Variants in SEMA3A observed in about 807,000 individuals in gnomAD.
SEMA3A encodes semaphorin 3A, also known as semaphorin-3A.
In SEMA3A, 29 loss-of-function variants were observed where a neutral mutation model predicts 97.9. The ratio of observed to expected loss-of-function variants is 0.30; its 90% confidence interval spans 0.22 to 0.40. The LOEUF (loss-of-function observed/expected upper bound fraction) is 0.40, where lower values mean the gene tolerates loss of function less well. Ranked by LOEUF, SEMA3A falls within the 10% of genes least tolerant of loss-of-function variation. The pLI is 1.00. For synonymous variants in SEMA3A, 321 were observed against 323.7 expected (o/e 0.99, Z 0.09); for missense variants, 763 against 951.3 (o/e 0.80, Z 2.60).
chr7:84,120,947 G>T (rs1795592521), intron 3 of SEMA3A, among the ~76,000 whole-genome samples: 1 of 152,100 alleles, frequency 6.6e-6, no homozygotes, highest in South Asian at 2.1e-4. Context: ...AGAGGGTCAG[G>T]TAATACCTAT....
chr7:84,238,392 GA>G (rs1247197488), intron 3 of SEMA3A, among the ~76,000 whole-genome samples: 1 of 152,040 alleles, frequency 6.6e-6, no homozygotes, highest in Non-Finnish European at 1.5e-5. Flanking sequence ...AACTGAACTT[GA>G]GTACAGGACA....
At chr7:84,020,138 CG>C (rs1562977060) in intron 6 of SEMA3A, among the ~76,000 whole-genome samples, 1 of 145,956 alleles carries the variant, frequency 6.9e-6, no homozygotes, top group East Asian at 2.1e-4. Context: ...CTCCACCACC[CG>C]GGTTCAAGTG....
intron 1 of SEMA3A, among the ~76,000 whole-genome samples, chr7:84,174,708 TAA>T (rs1179652972): frequency 6.6e-6 from 1 of 152,196 alleles, no homozygotes; most frequent in Non-Finnish European, 1.5e-5. Flanking sequence ...ATGTATTAAA[TAA>T]AGAGATAGAA....
rs773257877 is a variant in SEMA3A, at chr7:83,992,836, G to A, written c.1453-7359C>T. ...AGTTCTGTAGATGTCTATTAGGTCC[G>A]CTTGGTGCAGAGCTGAGTTCAATTC... On this transcript the variant is annotated intron_variant, in intron 12 of 16. Coordinates refer to ENST00000265362, the MANE Select transcript of SEMA3A (RefSeq NM_006080.3). Among the ~76,000 whole-genome samples, 238 of 152,178 alleles carry A rather than the reference G, an allele frequency of 1.6e-3. 1 individual carries two copies. The highest frequency in any genetic ancestry group is 2.6e-3 in the Non-Finnish European group (176 of 68,012).
intron 12 of SEMA3A, among the ~76,000 whole-genome samples, chr7:83,996,762 AT>A (rs1790240233): frequency 6.6e-6 from 1 of 152,182 alleles, no homozygotes; most frequent in Admixed American, 6.5e-5. Flanking sequence ...ATTGCAAATC[AT>A]TTTTGGAATT....
chr7:84,448,944 A>AAT (rs1805492372), intron 1 of SEMA3A, among the ~76,000 whole-genome samples: 1 of 152,154 alleles, frequency 6.6e-6, no homozygotes, highest in East Asian at 1.9e-4. Context: ...TTCTGGTGTA[A>AAT]ATATATATAA....
rs563925368 is a variant in SEMA3A at position 84,029,911 on chromosome 7, A to T, written c.668-15560T>A. Among the ~76,000 whole-genome samples, 4 of 152,192 alleles carry T rather than the reference A, an allele frequency of 2.6e-5. No homozygotes were observed. The East Asian group carries it at 7.7e-4, about 29-fold the overall frequency. ...ACACGAAGACAAAACAGATGTTTTT[A>T]ATGAGTTTCTATAAAATTGAAAAGA... is the stretch of plus-strand genomic sequence containing the variant. On this transcript the variant is annotated intron_variant, in intron 6 of 16. Coordinates refer to ENST00000265362, the MANE Select transcript of SEMA3A (RefSeq NM_006080.3).
At chr7:84,095,279 A>ATATATGGCATTATATGTATATAATGCATT (rs1794726596) in intron 4 of SEMA3A, among the ~76,000 whole-genome samples, 1 of 128,796 alleles carries the variant, frequency 7.8e-6, no homozygotes, top group African/African-American at 2.7e-5. Context: ...ATTATGTAGC[A>ATATATGGCATTATATGTATATAATGCATT]TATATATGGC....
chr7:84,129,202 A>C lies in SEMA3A; in HGVS notation c.271-17T>G. On this transcript the variant is annotated splice_polypyrimidine_tract_variant and intron_variant, in intron 2 of 16. Coordinates refer to ENST00000265362, the MANE Select transcript of SEMA3A (RefSeq NM_006080.3). ...CCACACAATCTAAGGACAGAGAATAAACATTGTTTTATGTCAACTAAGTTG... is the reference window on the plus strand; with the variant it reads ...CCACACAATCTAAGGACAGAGAATACACATTGTTTTATGTCAACTAAGTTG... The C allele has an allele frequency of 6.2e-7, 1 of 1,604,886 alleles. No homozygotes were observed. Among genetic ancestry groups the C allele is most frequent in the Non-Finnish European group, 8.5e-7 (1 of 1,171,832 alleles).
At chr7:84,251,203 T>C (rs1799599733) in intron 3 of SEMA3A, among the ~76,000 whole-genome samples, 1 of 152,262 alleles carries the variant, frequency 6.6e-6, no homozygotes, top group Non-Finnish European at 1.5e-5. Flanking sequence ...CTAACTTTAA[T>C]GATATCAACA....
chr7:84,183,959 T>G (rs1383105336), intron 1 of SEMA3A, among the ~76,000 whole-genome samples: 1 of 152,178 alleles, frequency 6.6e-6, no homozygotes, highest in African/African-American at 2.4e-5. Context: ...TTTCACTTCC[T>G]TACATGGAAT....
intron 1 of SEMA3A, among the ~76,000 whole-genome samples, chr7:84,388,526 C>G (rs979245273): frequency 1.3e-5 from 2 of 151,888 alleles, no homozygotes; most frequent in African/African-American, 4.8e-5. Flanking sequence ...ACTCTCTTGA[C>G]TTGCATATAC....
chr7:84,190,144 A>G (rs1246023729), intron 1 of SEMA3A, among the ~76,000 whole-genome samples: 1 of 151,744 alleles, frequency 6.6e-6, no homozygotes, highest in Non-Finnish European at 1.5e-5. Flanking sequence ...TGATTGCTAA[A>G]GTCTACACTG....
intron 6 of SEMA3A, among the ~76,000 whole-genome samples, chr7:84,034,993 G>A (rs1429875458): frequency 6.6e-6 from 1 of 151,854 alleles, no homozygotes; most frequent in Non-Finnish European, 1.5e-5. Flanking sequence ...ACTTTCTAGT[G>A]GAACTACTAT....
intron 5 of SEMA3A, among the ~76,000 whole-genome samples, 179 bp from the exon 6 acceptor site, chr7:84,046,622 T>C (rs550093704): frequency 2.6e-5 from 4 of 152,106 alleles, no homozygotes; most frequent in Non-Finnish European, 5.9e-5. Flanking sequence ...TATGTCCTTA[T>C]TGAAGGAAGT....
chr7:84,093,421 G>C (rs899068685), intron 4 of SEMA3A, among the ~76,000 whole-genome samples: 5 of 152,140 alleles, frequency 3.3e-5, no homozygotes, highest in Non-Finnish European at 5.9e-5. Context: ...AACTTGTTCT[G>C]AAGAAGTAAT....
intron 4 of SEMA3A, among the ~76,000 whole-genome samples, chr7:84,094,504 C>T (rs1794694005): frequency 1.3e-5 from 2 of 152,028 alleles, no homozygotes; most frequent in African/African-American, 4.8e-5. Context: ...TATTCTAGAG[C>T]ATTCATATGC....
intron 1 of SEMA3A, among the ~76,000 whole-genome samples, chr7:84,451,703 C>T (rs2527532): frequency 0.14 from 21,567 of 152,060 alleles, 3,129 homozygotes; most frequent in African/African-American, 0.36. Flanking sequence ...ACAGAAAATA[C>T]GCCTTGACAA....
At chr7:84,216,107 T>C (rs572690909) in intron 3 of SEMA3A, among the ~76,000 whole-genome samples, 17 of 152,310 alleles carry the variant, frequency 1.1e-4, no homozygotes, top group African/African-American at 3.4e-4. Context: ...CCTCGCTCTG[T>C]AGCCAGGTTG....
Sources: gnomAD v4.1 joint callset for allele counts (sites outside exome capture counted in the v4.1 genomes callset) on GRCh38, gnomAD v4.1.1 for gene constraint, MANE v1.5 for transcripts, NCBI Gene and HGNC (gene_info 2026-07-23, HGNC 2026-07-21) for gene names.